Variants in TLL1 observed in about 807,000 individuals in gnomAD.
The protein encoded by TLL1 is tolloid-like protein 1.
A neutral mutation model predicts 128.2 loss-of-function variants in TLL1; 49 were observed. The observed-to-expected ratio is 0.38, with a 90% confidence interval of 0.30 to 0.48. TLL1 has a LOEUF of 0.48. TLL1 is among the 20% of genes least tolerant of loss of function. The pLI is 0.96. For missense variants in TLL1, 1,123 were observed against 1,242.0 expected (o/e 0.90, Z 1.44); for synonymous variants, 454 against 418.8 (o/e 1.08, Z -1.03).
At chr4:166,046,691 T>G (rs1464832101) in intron 12 of TLL1, among the ~76,000 whole-genome samples, 1 of 152,140 alleles carries the variant, frequency 6.6e-6, no homozygotes, top group Admixed American at 6.5e-5. Context: ...CGTTCAGACA[T>G]GTATGGTGTA....
chr4:166,096,687 AAGT>A (rs1253696909), intron 19 of TLL1, among the ~76,000 whole-genome samples: 7 of 152,112 alleles, frequency 4.6e-5, no homozygotes, highest in African/African-American at 1.7e-4. Context: ...AAAGTAATGC[AAGT>A]GCTGAAGCTA....
chr4:166,039,537 A>C (rs1739151719), intron 10 of TLL1, 96 bp downstream of exon 10: 3 of 850,088 alleles, frequency 3.5e-6, no homozygotes, highest in Non-Finnish European at 5.9e-6. Flanking sequence ...AGAGTTAAAA[A>C]TGTGTGTGAC....
At chr4:166,061,390 G>A (rs6857845) in intron 15 of TLL1, among the ~76,000 whole-genome samples, 65,056 of 151,510 alleles carry the variant, frequency 0.43, 15,165 homozygotes, top group African/African-American at 0.63. Flanking sequence ...GGGATTACAG[G>A]CATGCGCCAC....
chr4:166,079,330 C>T (rs944630737), intron 18 of TLL1, among the ~76,000 whole-genome samples: 5 of 152,206 alleles, frequency 3.3e-5, no homozygotes, highest in South Asian at 2.1e-4. Flanking sequence ...TTTTGGGTAT[C>T]ATATTCTTTC....
chr4:166,097,321 G>A (rs1370378612), intron 19 of TLL1, among the ~76,000 whole-genome samples: 4 of 152,054 alleles, frequency 2.6e-5, no homozygotes, highest in Admixed American at 6.6e-5. Flanking sequence ...AAATCCCAAG[G>A]CTAATTGGTA....
chr4:165,928,705 G>C (rs7656913), intron 1 of TLL1, among the ~76,000 whole-genome samples: 77,968 of 152,008 alleles, frequency 0.51, 21,682 homozygotes, highest in East Asian at 0.98. Flanking sequence ...AGCCATTGCT[G>C]TTGGACTTTA....
rs146126101 is a variant in TLL1, at chr4:165,987,844, T to C, written c.170-1537T>C. Among the ~76,000 whole-genome samples, 14 of 152,196 alleles carry C rather than the reference T, an allele frequency of 9.2e-5. No individual in the cohort carries two copies. The East Asian group carries it at 2.7e-3, about 30-fold the overall frequency. On this transcript the variant is annotated intron_variant, in intron 1 of 20. Transcript: ENST00000061240. ...TTCATAAATAACTAATTCTCTATAGTGGAAAAGTTCATAAATATTAAGATT... is the reference window on the plus strand; with the variant it reads ...TTCATAAATAACTAATTCTCTATAGCGGAAAAGTTCATAAATATTAAGATT...
chr4:166,014,463 C>T lies in TLL1; in HGVS notation c.945C>T (p.Pro315=). 6.2e-7 allele frequency: 1 copy of T among 1,612,210 alleles called. No homozygotes were observed. The highest frequency in any genetic ancestry group is 8.5e-7 in the Non-Finnish European group (1 of 1,178,702). ...SRGMFLDTIL[P]SRDDNGIRPA... ...GGATGTTTCTGGATACCATTCTCCC[C>T]TCCCGTGATGATAATGGCATACGTC... The change falls in exon 8 of 21, where the codon CCC becomes CCT. Residue 315 remains proline, a synonymous_variant. Transcript: ENST00000061240.
chr4:165,887,833 G>A (rs1311627743), intron 1 of TLL1, among the ~76,000 whole-genome samples: 1 of 151,910 alleles, frequency 6.6e-6, no homozygotes, highest in African/African-American at 2.4e-5. Context: ...CTTAAATACT[G>A]TTTAATATTT....
chr4:165,937,309 A>G (rs1733810038), intron 1 of TLL1, among the ~76,000 whole-genome samples: 1 of 152,142 alleles, frequency 6.6e-6, no homozygotes, highest in Non-Finnish European at 1.5e-5. Context: ...GTTTTTAGTT[A>G]TTCTCTTTAT....
At chr4:165,988,499 T>C (rs950782365) in intron 1 of TLL1, among the ~76,000 whole-genome samples, 2 of 151,632 alleles carry the variant, frequency 1.3e-5, no homozygotes, top group African/African-American at 4.8e-5. Context: ...CGCAGTGGAG[T>C]GTGTCTGTAG....
Position 166,059,227 on chromosome 4 carries a change from A to G in TLL1, c.1847-801A>G, listed in dbSNP as rs180700507. On this transcript the variant is annotated intron_variant, in intron 14 of 20. Coordinates refer to ENST00000061240, the MANE Select transcript of TLL1 (RefSeq NM_012464.5). ...TGTGTATACACACACACACACACAT[A>G]CACGTGCACAAAGACAAAAAAGGGA... 2.7e-3 allele frequency among the ~76,000 whole-genome samples: 400 copies of G among 147,596 alleles called. 1 individual carries two copies. The highest frequency in any genetic ancestry group is 9.8e-3 in the African/African-American group (370 of 37,948).
At chr4:165,967,891 T>C (rs1460465669) in intron 1 of TLL1, among the ~76,000 whole-genome samples, 1 of 152,234 alleles carries the variant, frequency 6.6e-6, no homozygotes. Context: ...AGACTTTATA[T>C]TGAGTGTATC....
At position 166,041,830 on chromosome 4, in the gene TLL1, TTATAAATA is replaced by T. The variant is rs562723676; in HGVS notation, c.1262-192_1262-185del. On this transcript the variant is annotated intron_variant, in intron 10 of 20. Coordinates refer to ENST00000061240, the MANE Select transcript of TLL1 (RefSeq NM_012464.5). ...ACTCTGAGGCTGATGGTCAAATACT[TTATAAATA>T]TATATGAAGACATTGTTTTGTTTAT... Among the ~76,000 whole-genome samples, 30 of 152,346 alleles carry T rather than the reference TTATAAATA, an allele frequency of 2.0e-4. No homozygotes were observed. The South Asian group carries it at 3.9e-3, about 20-fold the overall frequency.
Position 166,055,171 on chromosome 4 carries a change from C to A in TLL1, c.1620C>A (p.Asp540Glu), listed in dbSNP as rs762150851. ...TGATAGGGCGTTTCTGTGGTTATGACAAACCTGAAGACATAAGATCTACCT... is the reference window on the plus strand; with the variant it reads ...TGATAGGGCGTTTCTGTGGTTATGAAAAACCTGAAGACATAAGATCTACCT... ...SPLIGRFCGYDKPEDIRSTSN... is the reference protein window; with the variant it reads ...SPLIGRFCGYEKPEDIRSTSN... The change falls in exon 13 of 21, where the codon GAC becomes GAA. Residue 540 changes from aspartate (D) to glutamate (E), a missense_variant. This residue lies in a region of TLL1 where 634 missense variants were observed against 672.4 expected (regional missense o/e 0.94). Transcript: ENST00000061240. 1.4e-5 allele frequency: 22 copies of A among 1,613,372 alleles called. No individual in the cohort carries two copies. The East Asian group carries it at 4.7e-4, about 34-fold the overall frequency.
chr4:165,891,084 A>G (rs1344986578), intron 1 of TLL1, among the ~76,000 whole-genome samples: 3 of 152,142 alleles, frequency 2.0e-5, no homozygotes, highest in African/African-American at 4.8e-5. Flanking sequence ...CCTGAGCTGC[A>G]TATTTTTCCC....
chr4:166,048,024 G>A (rs1384350117), intron 12 of TLL1, among the ~76,000 whole-genome samples: 2 of 151,940 alleles, frequency 1.3e-5, no homozygotes, highest in Admixed American at 6.6e-5. Flanking sequence ...ATCACCTGAG[G>A]TCAGGAGTTC....
chr4:166,044,504 C>T (rs1739372762), intron 12 of TLL1: 2 of 1,243,556 alleles, frequency 1.6e-6, no homozygotes, highest in Non-Finnish European at 2.2e-6. Context: ...GATGTATTTC[C>T]TTTTGTTACC....
intron 1 of TLL1, among the ~76,000 whole-genome samples, chr4:165,912,746 T>A (rs943403572): frequency 1.3e-5 from 2 of 152,192 alleles, no homozygotes; most frequent in African/African-American, 4.8e-5. Context: ...ATTAGGAACT[T>A]TTTTATTGAG....
Sources: allele counts gnomAD v4.1 joint callset (sites outside exome capture counted in the v4.1 genomes callset), GRCh38; gene constraint gnomAD v4.1.1; regional missense constraint gnomAD v4.1.1; transcripts MANE v1.5; gene names NCBI Gene and HGNC (gene_info 2026-07-23, HGNC 2026-07-21).